The following STUM variants were observed in gnomAD, a reference collection of about 807,000 sequenced individuals.
STUM encodes the protein protein stum homolog.
A neutral mutation model predicts 15.3 loss-of-function variants in STUM; 8 were observed. The observed-to-expected ratio is 0.52, with a 90% CI of 0.31 to 0.94. The LOEUF is 0.94. Ranked by LOEUF, STUM falls within the 40% of genes least tolerant of loss-of-function variation. STUM has a pLI of 0.05. For synonymous variants in STUM, 78 were observed against 88.7 expected (o/e 0.88, Z 0.68); for missense variants, 142 against 204.9 (o/e 0.69, Z 1.87).
intron 1 of STUM, among the ~76,000 whole-genome samples, chr1:226,559,989 AT>A (rs1271865661): frequency 1.4e-5 from 2 of 139,000 alleles, no homozygotes; most frequent in African/African-American, 2.7e-5. Flanking sequence ...AAAAAAAAAA[AT>A]TAGCCAGGTA....
At chr1:226,589,915 C>T (rs1046760119) in intron 1 of STUM, among the ~76,000 whole-genome samples, 3 of 151,528 alleles carry the variant, frequency 2.0e-5, no homozygotes, top group East Asian at 3.9e-4. Flanking sequence ...CCCATCAGAG[C>T]GAGGACTGGT....
intron 1 of STUM, among the ~76,000 whole-genome samples, chr1:226,579,728 A>G (rs1667888798): frequency 6.6e-6 from 1 of 150,798 alleles, no homozygotes; most frequent in African/African-American, 2.5e-5. Context: ...TCCTGGGCTC[A>G]ATCCATCCTC....
chr1:226,576,064 C>T (rs919419006), intron 1 of STUM, among the ~76,000 whole-genome samples: 13 of 152,256 alleles, frequency 8.5e-5, no homozygotes, highest in Admixed American at 5.2e-4. Flanking sequence ...CAGCCTCAGA[C>T]GCGGCTCTGT....
At chr1:226,559,973 CAAA>C (rs61708964) in intron 1 of STUM, among the ~76,000 whole-genome samples, 3 of 141,244 alleles carry the variant, frequency 2.1e-5, no homozygotes, top group Non-Finnish European at 1.5e-5. Context: ...GACTCCGTCT[CAAA>C]AAAAAAAAAA....
At chr1:226,575,813 T>A (rs1435356951) in intron 1 of STUM, among the ~76,000 whole-genome samples, 1 of 152,236 alleles carries the variant, frequency 6.6e-6, no homozygotes, top group Non-Finnish European at 1.5e-5. Context: ...CAATAGATAG[T>A]CAGCCTTTCA....
intron 1 of STUM, among the ~76,000 whole-genome samples, chr1:226,589,036 G>A (rs1457579580): frequency 6.6e-6 from 1 of 152,226 alleles, no homozygotes; most frequent in Non-Finnish European, 1.5e-5. Flanking sequence ...CCAGCTGGAG[G>A]TGACATCTGG....
intron 1 of STUM, among the ~76,000 whole-genome samples, chr1:226,562,620 T>G (rs1394568108): frequency 6.6e-6 from 1 of 152,132 alleles, no homozygotes; most frequent in African/African-American, 2.4e-5. Context: ...TAGCCAGGGG[T>G]TCATAAACTG....
rs1667393379 is a variant in STUM, at chr1:226,552,919, G to T, written c.202+3813G>T. Among the ~76,000 whole-genome samples, 1 of 152,180 alleles carries T rather than the reference G, an allele frequency of 6.6e-6. No homozygotes were observed. Among genetic ancestry groups the T allele is most frequent in the Admixed American group, 6.5e-5 (1 of 15,292 alleles). On this transcript the variant is annotated intron_variant, in intron 1 of 3. Coordinates refer to ENST00000366788, the MANE Select transcript of STUM (RefSeq NM_001003665.4). The surrounding 1 kb of genome is among the most constrained non-coding windows in gnomAD (Gnocchi z 4.7). ...CTATTTTAAATGTCTTCTTGAAAGA[G>T]CATGTTATCCACAAATACATATAGA...
rs1318670283 is a variant in STUM at position 226,600,908 on chromosome 1, C to T, written c.391+234C>T. Among the ~76,000 whole-genome samples, 1 of 152,172 alleles carries T rather than the reference C, an allele frequency of 6.6e-6. No individual in the cohort carries two copies. Among genetic ancestry groups the T allele is most frequent in the Non-Finnish European group, 1.5e-5 (1 of 68,028 alleles). On this transcript the variant is annotated intron_variant, in intron 3 of 3. Transcript: ENST00000366788. This position sits in a 1 kb window ranked among gnomAD's most constrained non-coding sequence, Gnocchi z 5.2. ...AGCCTCAACTGCTATCAATTCATGG[C>T]CAGCCTCCTTTCCTCTGTCATTCGC...
chr1:226,578,638 C>T (rs1156678820), intron 1 of STUM, among the ~76,000 whole-genome samples: 2 of 152,174 alleles, frequency 1.3e-5, no homozygotes, highest in African/African-American at 4.8e-5. Context: ...GCTGGGATTA[C>T]AGGCATGAGC....
Position 226,600,429 on chromosome 1 carries a change from G to A in STUM, c.383-237G>A, listed in dbSNP as rs981237188. On this transcript the variant is annotated intron_variant, in intron 2 of 3. Transcript: ENST00000366788. This position sits in a 1 kb window ranked among gnomAD's most constrained non-coding sequence, Gnocchi z 5.2. ...GCTGTGCCCCTAGCCACACCCACAC[G>A]CCTGGTGGGCAGACCACTGGCCACT... 3.3e-5 allele frequency among the ~76,000 whole-genome samples: 5 copies of A among 152,322 alleles called. No individual in the cohort carries two copies. The highest frequency in any genetic ancestry group is 9.6e-5 in the African/African-American group (4 of 41,578).
intron 1 of STUM, among the ~76,000 whole-genome samples, chr1:226,579,204 T>C (rs746293649): frequency 5.3e-5 from 8 of 152,142 alleles, no homozygotes; most frequent in Non-Finnish European, 7.4e-5. Context: ...CTTTGGCAAA[T>C]GATAGAAGGA....
chr1:226,581,139 C>T (rs1667910420), intron 1 of STUM, among the ~76,000 whole-genome samples: 1 of 152,200 alleles, frequency 6.6e-6, no homozygotes, highest in South Asian at 2.1e-4. Context: ...CCAGACGTTT[C>T]ACACATGTAT....
At chr1:226,568,627 C>T (rs1181142066) in intron 1 of STUM, among the ~76,000 whole-genome samples, 1 of 152,240 alleles carries the variant, frequency 6.6e-6, no homozygotes, top group Non-Finnish European at 1.5e-5. Context: ...GCCTGCTGAG[C>T]AAAGAACAGC....
intron 1 of STUM, among the ~76,000 whole-genome samples, chr1:226,592,670 T>C (rs1668109819): frequency 6.6e-6 from 1 of 152,266 alleles, no homozygotes. Flanking sequence ...CTTTCCACTT[T>C]GGCAGCGTTC....
chr1:226,563,379 A>G (rs1201020374), intron 1 of STUM, among the ~76,000 whole-genome samples: 1 of 152,168 alleles, frequency 6.6e-6, no homozygotes, highest in East Asian at 1.9e-4. Context: ...CCCAAAGGAG[A>G]TTTTTCCAGA....
intron 1 of STUM, among the ~76,000 whole-genome samples, chr1:226,585,150 T>A (rs527404344): frequency 6.6e-6 from 1 of 152,300 alleles, no homozygotes; most frequent in East Asian, 1.9e-4. Flanking sequence ...GCTGACATGG[T>A]GAACTTAACA....
At chr1:226,574,308 T>A (rs1667768632) in intron 1 of STUM, among the ~76,000 whole-genome samples, 1 of 152,260 alleles carries the variant, frequency 6.6e-6, no homozygotes. Flanking sequence ...TTGACTTTTT[T>A]AGATTCCACG....
Position 226,609,203 on chromosome 1 carries a change from C to G in STUM, c.*7163C>G, listed in dbSNP as rs1351161297. ...TCTTTTCTATGTTGTAATAAACATTCATGTGACCTTTCTGGTAGTTTCTCA... is the reference window on the plus strand; with the variant it reads ...TCTTTTCTATGTTGTAATAAACATTGATGTGACCTTTCTGGTAGTTTCTCA... On this transcript the variant is annotated 3_prime_UTR_variant, in exon 4 of 4. Transcript: ENST00000366788. 1 of 152,052 alleles carries G rather than the reference C, an allele frequency of 6.6e-6. No individual in the cohort carries two copies. The highest frequency in any genetic ancestry group is 2.4e-5 in the African/African-American group (1 of 41,392). The allele number at this position is 152,052 out of a possible 1,614,324, so 9.4% of individuals were successfully genotyped here.
Sources: gnomAD v4.1 joint callset for allele counts (sites outside exome capture counted in the v4.1 genomes callset) on GRCh38, gnomAD v4.1.1 for gene constraint, Gnocchi (gnomAD v3.1) non-coding constraint, MANE v1.5 for transcripts, NCBI Gene and HGNC (gene_info 2026-07-23, HGNC 2026-07-21) for gene names.